The following NDUFAF7 variants were observed in gnomAD, a reference collection of about 807,000 sequenced individuals.
NDUFAF7 encodes NADH:ubiquinone oxidoreductase complex assembly factor 7.
Under a neutral mutation model 47.2 loss-of-function variants are expected in NDUFAF7, and 48 were observed. That is an observed-to-expected ratio of 1.02 (90% CI 0.81 to 1.29). The LOEUF is 1.29. Ranked by LOEUF, NDUFAF7 falls within the 50% of genes most tolerant of loss-of-function variation. The pLI, the probability that NDUFAF7 is intolerant of heterozygous loss-of-function variation, is 0.00. For synonymous variants in NDUFAF7, 217 were observed against 190.0 expected, an observed-to-expected ratio of 1.14 and a Z score of -1.17; for missense variants, 635 against 537.6, an observed-to-expected ratio of 1.18 and a Z score of -1.79.
chr2:37,255,616 C>G (rs745446857), downstream of NDUFAF7, among the ~76,000 whole-genome samples: 3 of 152,176 alleles, frequency 2.0e-5, no homozygotes, highest in Non-Finnish European at 2.9e-5. Context: ...AAAGTTCATT[C>G]TAGGTATAAG....
intron 4 of NDUFAF7, among the ~76,000 whole-genome samples, chr2:37,241,135 C>G (rs1208415537): frequency 6.6e-6 from 1 of 151,986 alleles, no homozygotes. Flanking sequence ...GGCAGACCCC[C>G]GAGTTAAGCA....
downstream of NDUFAF7, among the ~76,000 whole-genome samples, chr2:37,249,641 G>GACACAC (rs1452256080): frequency 1.0e-4 from 6 of 59,558 alleles, no homozygotes; most frequent in African/African-American, 5.2e-4. Flanking sequence ...GCCTGTGATA[G>GACACAC]AGACACACAC....
chr2:37,248,561 G>T lies in NDUFAF7; in HGVS notation c.*211G>T. On this transcript the variant is annotated 3_prime_UTR_variant, in exon 10 of 10. Transcript: ENST00000002125. ...TGTGTGCTCAAGCTAATAAGTTATT[G>T]TGAAACTGAGTTTCCTTTAACTTAC... 1 of 573,758 alleles carries T rather than the reference G, an allele frequency of 1.7e-6. No individual in the cohort carries two copies. The allele number at this position is 573,758 out of a possible 1,614,324, so 35.5% of individuals were successfully genotyped here.
chr2:37,262,245 T>C, the NDUFAF7 span, among the ~76,000 whole-genome samples: 1 of 152,182 alleles, frequency 6.6e-6, no homozygotes, highest in Non-Finnish European at 1.5e-5. Context: ...TCTAAGATGT[T>C]TCTTGAAGCC....
Position 37,242,676 on chromosome 2 carries a change from C to T in NDUFAF7, c.664C>T (p.Pro222Ser). 1 of 1,602,900 alleles carries T rather than the reference C, an allele frequency of 6.2e-7. No homozygotes were observed. Among genetic ancestry groups the T allele is most frequent in the Non-Finnish European group, 8.5e-7 (1 of 1,170,304 alleles). The change falls in exon 6 of 10, where the codon CCT becomes TCT. Residue 222 changes from proline to serine, a missense_variant. Pro to Ser is a moderately conservative substitution (Grantham distance 74). Transcript: ENST00000002125. ...YLAHEFFDVL[P>S]VHKFQKTPQG... ...TGCACATGAATTTTTTGATGTTCTT[C>T]CTGTGCATAAATTTCAGGTATTGAG...
At chr2:37,261,241 C>G in the NDUFAF7 span, among the ~76,000 whole-genome samples, 2 of 147,362 alleles carry the variant, frequency 1.4e-5, no homozygotes, top group Non-Finnish European at 3.0e-5. Flanking sequence ...AATCCCAGCA[C>G]TTTGGGAAGC....
chr2:37,256,550 T>C (rs1369120683), downstream of NDUFAF7: 6 of 1,284,268 alleles, frequency 4.7e-6, no homozygotes, highest in South Asian at 3.4e-5. Context: ...GAATGGGAGA[T>C]GTACTAAAAA....
downstream of NDUFAF7, among the ~76,000 whole-genome samples, chr2:37,257,359 T>C (rs1240092694): frequency 6.6e-6 from 1 of 152,062 alleles, no homozygotes; most frequent in African/African-American, 2.4e-5. Context: ...CAATGTTTGC[T>C]GAAGGAAAAA....
In NDUFAF7 at chr2:37,248,690, A is replaced by AT. The variant is rs1303685953; in HGVS notation, c.*341dup. On this transcript the variant is annotated 3_prime_UTR_variant, in exon 10 of 10. Coordinates refer to ENST00000002125, the MANE Select transcript of NDUFAF7 (RefSeq NM_144736.5). ...AGCACTTTGGGAGGCTGAGGTGGGC[A>AT]TATCACCTGAGGTCAGCAGTTAAAG... is the stretch of plus-strand genomic sequence containing the variant. 1 of 346,160 alleles carries AT rather than the reference A, an allele frequency of 2.9e-6. No individual in the cohort carries two copies. The highest frequency in any genetic ancestry group is 5.6e-6 in the Non-Finnish European group (1 of 178,498). 21.4% of individuals were successfully genotyped at this position (346,160 alleles called of 1,614,324 possible). A position where few individuals can be genotyped will look rare whatever the true frequency, so the allele number is the denominator to read the frequency against.
chr2:37,247,688 TTAA>T, intron 9 of NDUFAF7, 59 bp downstream of exon 9: 1 of 1,580,556 alleles, frequency 6.3e-7, no homozygotes, highest in Admixed American at 1.7e-5. Context: ...AAAAATTACT[TTAA>T]ATAGTATGTT....
intron 1 of NDUFAF7, 166 bp from the exon 2 acceptor site, chr2:37,231,940 G>T: frequency 6.3e-7 from 1 of 1,598,012 alleles, no homozygotes; most frequent in Non-Finnish European, 8.5e-7. Flanking sequence ...TCGTGGGCAA[G>T]TGGGTGCTGT....
At chr2:37,244,542 G>T (rs1276476560) in intron 7 of NDUFAF7, among the ~76,000 whole-genome samples, 1 of 151,020 alleles carries the variant, frequency 6.6e-6, no homozygotes, top group Non-Finnish European at 1.5e-5. Context: ...CATTGCAAGA[G>T]CCTGTCTATT....
At chr2:37,271,067 T>A in the NDUFAF7 span, among the ~76,000 whole-genome samples, 188 of 152,236 alleles carry the variant, frequency 1.2e-3, no homozygotes, top group African/African-American at 4.4e-3. Context: ...CTATCTCCAA[T>A]AACACTACTA....
downstream of NDUFAF7, among the ~76,000 whole-genome samples, chr2:37,249,633 C>A (rs1667309074): frequency 8.2e-6 from 1 of 121,862 alleles, no homozygotes; most frequent in Non-Finnish European, 1.7e-5. Context: ...GCACTGTAGC[C>A]TGTGATAGAG....
At chr2:37,247,893 A>G (rs1354762494) in intron 9 of NDUFAF7, among the ~76,000 whole-genome samples, 1 of 152,192 alleles carries the variant, frequency 6.6e-6, no homozygotes, top group Non-Finnish European at 1.5e-5. Flanking sequence ...TGTTCTTCTG[A>G]GAACACCTAA....
chr2:37,261,721 G>A, the NDUFAF7 span, among the ~76,000 whole-genome samples: 6,704 of 152,028 alleles, frequency 0.044, 161 homozygotes, highest in Non-Finnish European at 0.049. Flanking sequence ...CAGAGGTTGC[G>A]GTGAGCTGAG....
downstream of NDUFAF7, chr2:37,252,847 T>TATATATA (rs1667612720): frequency 6.9e-6 from 1 of 145,014 alleles, no homozygotes; most frequent in African/African-American, 2.5e-5. Flanking sequence ...ATATTTATAT[T>TATATATA]TATATATATA....
chr2:37,247,320 C>T, intron 8 of NDUFAF7, 136 bp from the exon 9 acceptor site: 1 of 1,071,050 alleles, frequency 9.3e-7, no homozygotes, highest in South Asian at 1.4e-5. Context: ...TAGGTGTTCC[C>T]TGCCTAGAGA....
rs111289899 is a variant in NDUFAF7, at chr2:37,247,168, A to T, written c.937-288A>T. On this transcript the variant is annotated intron_variant, in intron 8 of 9. Coordinates refer to ENST00000002125, the MANE Select transcript of NDUFAF7 (RefSeq NM_144736.5). ...TTTGGTTTTGTCCCTGCATTAATTC[A>T]CTTAGGATAATGGCCTCCAGCTATG... 1,014 of 428,560 alleles carry T rather than the reference A, an allele frequency of 2.4e-3. 12 individuals are homozygous for T. The highest frequency in any genetic ancestry group is 0.018 in the African/African-American group (877 of 49,646). 26.5% of individuals were successfully genotyped at this position (428,560 alleles called of 1,614,324 possible).
Sources: gnomAD v4.1 joint callset for allele counts (sites outside exome capture counted in the v4.1 genomes callset) on GRCh38, gnomAD v4.1.1 for gene constraint, MANE v1.5 for transcripts, NCBI Gene and HGNC (gene_info 2026-07-23, HGNC 2026-07-21) for gene names.